GABRB2: variants seen among roughly 807,000 people sequenced by gnomAD.
GABRB2 encodes the protein gamma-aminobutyric acid receptor subunit beta-2.
Under a neutral mutation model 54.7 loss-of-function variants are expected in GABRB2, and 16 were observed. That is an observed-to-expected ratio of 0.29 (90% confidence interval 0.20 to 0.44). GABRB2 has a LOEUF of 0.44. GABRB2 is among the 20% of genes least tolerant of loss of function. GABRB2 has a pLI of 1.00. For synonymous variants in GABRB2, 244 were observed against 233.8 expected, an observed-to-expected ratio of 1.04 and a Z score of -0.40; for missense variants, 355 against 644.0, an observed-to-expected ratio of 0.55 and a Z score of 4.86.
intron 5 of GABRB2, among the ~76,000 whole-genome samples, chr5:161,383,732 A>G (rs1580936687): frequency 6.6e-6 from 1 of 152,088 alleles, no homozygotes; most frequent in South Asian, 2.1e-4. Flanking sequence ...CTCTTCCCCC[A>G]CCATAGATTA....
At chr5:161,519,820 G>A (rs1760059173) in intron 3 of GABRB2, among the ~76,000 whole-genome samples, 2 of 152,088 alleles carry the variant, frequency 1.3e-5, no homozygotes, top group Admixed American at 1.3e-4. Context: ...AAGTCATTCT[G>A]CAGTTTGTTT....
At chr5:161,477,818 T>C (rs560018696) in intron 3 of GABRB2, among the ~76,000 whole-genome samples, 34 of 151,914 alleles carry the variant, frequency 2.2e-4, no homozygotes, top group African/African-American at 8.2e-4. Flanking sequence ...TGAGAGAAAT[T>C]GAGGGTTGTC....
intron 3 of GABRB2, among the ~76,000 whole-genome samples, chr5:161,510,463 A>G (rs1219532520): frequency 6.6e-6 from 1 of 151,940 alleles, no homozygotes; most frequent in African/African-American, 2.4e-5. Context: ...AAATAGTACT[A>G]CATTGTGTAC....
rs112883791 is a variant in GABRB2, at chr5:161,540,310, T to C, written c.237+4917A>G. Among the ~76,000 whole-genome samples, 21 of 152,358 alleles carry C rather than the reference T, an allele frequency of 1.4e-4. 1 individual carries two copies. The highest frequency in any genetic ancestry group is 5.1e-4 in the African/African-American group (21 of 41,580). ...AAGAAACCACATTCTTTGCTCATCC[T>C]TAAGAAGCAACTTGTGCATTGAAGT... On this transcript the variant is annotated intron_variant, in intron 3 of 9. Coordinates refer to ENST00000393959, the MANE Select transcript of GABRB2 (RefSeq NM_001371727.1).
intron 5 of GABRB2, among the ~76,000 whole-genome samples, chr5:161,343,332 T>G (rs954339425): frequency 1.3e-5 from 2 of 151,972 alleles, no homozygotes; most frequent in African/African-American, 4.8e-5. Context: ...ATCAAGTAAG[T>G]CATGGTCCAG....
At chr5:161,539,278 T>C (rs1760740165) in intron 3 of GABRB2, among the ~76,000 whole-genome samples, 1 of 152,146 alleles carries the variant, frequency 6.6e-6, no homozygotes, top group Admixed American at 6.5e-5. Context: ...CTAAAAATAT[T>C]TCATTCCAAG....
intron 6 of GABRB2, among the ~76,000 whole-genome samples, chr5:161,335,699 G>T (rs145079982): frequency 2.1e-4 from 32 of 152,226 alleles, no homozygotes; most frequent in African/African-American, 7.0e-4. Flanking sequence ...GTCTGAATAC[G>T]ATAGTAAGAA....
At chr5:161,393,547 A>G (rs577955900) in intron 5 of GABRB2, among the ~76,000 whole-genome samples, 5 of 152,076 alleles carry the variant, frequency 3.3e-5, no homozygotes, top group East Asian at 3.9e-4. Context: ...CAGATAAAAT[A>G]AAAATAAACA....
intron 4 of GABRB2, among the ~76,000 whole-genome samples, chr5:161,450,303 C>G (rs1015594220): frequency 6.6e-6 from 1 of 152,006 alleles, no homozygotes; most frequent in Non-Finnish European, 1.5e-5. Context: ...GATCCATTGG[C>G]TACCAGAACA....
chr5:161,427,050 A>G, intron 4 of GABRB2, among the ~76,000 whole-genome samples: 1 of 152,158 alleles, frequency 6.6e-6, no homozygotes, highest in East Asian at 1.9e-4. Context: ...ACTTTTTCCT[A>G]TCTATGTCTT....
intron 3 of GABRB2, among the ~76,000 whole-genome samples, chr5:161,505,340 G>A (rs879608976): frequency 3.3e-5 from 5 of 151,738 alleles, no homozygotes; most frequent in Admixed American, 6.6e-5. Context: ...CATGTTTGCC[G>A]GGCTGGTCTT....
In GABRB2 at chr5:161,292,513, A is replaced by G. The variant is rs1757265824; in HGVS notation, c.*1568T>C. ...ATGAATGCTTATGTCCAATTAGTGT[A>G]GAAAGAAGCACAATGGCATAACTTA... is the stretch of plus-strand genomic sequence containing the variant. On this transcript the variant is annotated 3_prime_UTR_variant, in exon 10 of 10. Transcript: ENST00000393959. The G allele has an allele frequency of 1.3e-5, 2 of 152,216 alleles. No homozygotes were observed. The highest frequency in any genetic ancestry group is 4.1e-4 in the South Asian group (2 of 4,830). The allele number at this position is 152,216 out of a possible 1,614,324, so 9.4% of individuals were successfully genotyped here.
At chr5:161,429,098 G>C (rs1158913092) in intron 4 of GABRB2, among the ~76,000 whole-genome samples, 1 of 151,536 alleles carries the variant, frequency 6.6e-6, no homozygotes, top group Admixed American at 6.6e-5. Flanking sequence ...TGTAATCCCA[G>C]CACTTTGGGA....
intron 4 of GABRB2, among the ~76,000 whole-genome samples, chr5:161,450,378 T>C (rs929108018): frequency 6.6e-6 from 1 of 152,172 alleles, no homozygotes; most frequent in Admixed American, 6.6e-5. Context: ...TCTTTAAGTG[T>C]TTTTTATTTA....
In GABRB2 at chr5:161,426,114, C is replaced by A. The variant is rs534104654; in HGVS notation, c.459-15057G>T. On this transcript the variant is annotated intron_variant, in intron 4 of 9. Transcript: ENST00000393959. ...GTTAGGTAAAGGAACGTAAGTTTGT[C>A]ATGCACACAGGCACCGAGGGCAAGA... 2.0e-5 allele frequency among the ~76,000 whole-genome samples: 3 copies of A among 152,098 alleles called. No homozygotes were observed. In the South Asian group the frequency reaches 6.2e-4, roughly 32 times the overall value.
intron 3 of GABRB2, among the ~76,000 whole-genome samples, chr5:161,493,263 A>G (rs1028302492): frequency 1.3e-4 from 20 of 151,594 alleles, no homozygotes; most frequent in Non-Finnish European, 2.2e-4. Flanking sequence ...GCCTCTTCTC[A>G]TTTTTCCATT....
At chr5:161,373,029 A>G (rs1369979984) in intron 5 of GABRB2, among the ~76,000 whole-genome samples, 2 of 152,246 alleles carry the variant, frequency 1.3e-5, no homozygotes, top group Non-Finnish European at 2.9e-5. Context: ...ATGAGTATCA[A>G]GTATTCCAAA....
intron 9 of GABRB2, among the ~76,000 whole-genome samples, chr5:161,309,902 A>C (rs1757810517): frequency 6.6e-6 from 1 of 152,132 alleles, no homozygotes; most frequent in South Asian, 2.1e-4. Context: ...AAGTGCTGGG[A>C]TTACAGGCTT....
chr5:161,485,385 A>C (rs1758889203), intron 3 of GABRB2, among the ~76,000 whole-genome samples: 1 of 152,000 alleles, frequency 6.6e-6, no homozygotes, highest in African/African-American at 2.4e-5. Flanking sequence ...CAGAACAAGC[A>C]GTTAATAAGG....
Sources: allele counts gnomAD v4.1 joint callset (sites outside exome capture counted in the v4.1 genomes callset), GRCh38; gene constraint gnomAD v4.1.1; transcripts MANE v1.5; gene names NCBI Gene and HGNC (gene_info 2026-07-23, HGNC 2026-07-21).